Variants in C5 observed in about 807,000 individuals in gnomAD.
C5 encodes complement C5.
C5 carries 140 observed loss-of-function variants against 218.8 expected under a neutral mutation model. The observed-to-expected ratio is 0.64, with a 90% CI of 0.56 to 0.74. The LOEUF is 0.74. Ranked by LOEUF, C5 falls within the 30% of genes least tolerant of loss-of-function variation. The probability of loss-of-function intolerance (pLI) is 0.00; values close to 1 mark genes in which losing one functional copy is unlikely to be tolerated. For missense variants in C5, 1,700 were observed against 1,969.6 expected (o/e 0.86, Z 2.59); for synonymous variants, 614 against 682.3 (o/e 0.90, Z 1.56).
chr9:121,006,167 T>A, intron 19 of C5, 109 bp from the exon 20 acceptor site: 1 of 1,040,378 alleles, frequency 9.6e-7, no homozygotes, highest in Non-Finnish European at 1.5e-6. Flanking sequence ...AAAATAATAT[T>A]AGATCATGTT....
chr9:120,982,950 C>A, intron 25 of C5, 136 bp from the exon 26 acceptor site: 1 of 601,380 alleles, frequency 1.7e-6, no homozygotes, highest in Non-Finnish European at 2.9e-6. Context: ...CATCATTTTA[C>A]AAAGGAAGGG....
At chr9:120,997,388 T>C (rs2047125224) in intron 21 of C5, among the ~76,000 whole-genome samples, 159 bp downstream of exon 21, 1 of 152,160 alleles carries the variant, frequency 6.6e-6, no homozygotes, top group Non-Finnish European at 1.5e-5. Flanking sequence ...TACAGAAAAA[T>C]TGCAAGAATA....
In C5 at chr9:120,970,222, G is replaced by T. The variant is rs757581258; in HGVS notation, c.4110C>A (p.Thr1370=). 1.8e-5 allele frequency: 29 copies of T among 1,613,236 alleles called. No homozygotes were observed. Among genetic ancestry groups the T allele is most frequent in the Middle Eastern group, 1.6e-4 (1 of 6,080 alleles). The change falls in exon 32 of 41, where the codon ACC becomes ACA. Residue 1370 remains threonine, a synonymous_variant. Coordinates refer to ENST00000223642, the MANE Select transcript of C5 (RefSeq NM_001735.3). ...AATAAAAGCTGCAAACTTCCTCAGA[G>T]GTACTGGTTTTGTGAACTACAGTTG... ...HVTTVVHKTS[T]SEEVCSFYLK...
chr9:121,002,322 A>ATG (rs2047178306), intron 20 of C5, among the ~76,000 whole-genome samples: 1 of 72,330 alleles, frequency 1.4e-5, no homozygotes, highest in Non-Finnish European at 2.9e-5. Flanking sequence ...GTGTGTATAT[A>ATG]TATATATATA....
chr9:121,072,692 A>T, the C5 span, among the ~76,000 whole-genome samples: 1 of 150,944 alleles, frequency 6.6e-6, no homozygotes, highest in Non-Finnish European at 1.5e-5. Flanking sequence ...TGTAATCCCA[A>T]CTCCTCGGGA....
chr9:121,056,834 G>C, the C5 span, among the ~76,000 whole-genome samples: 1 of 152,094 alleles, frequency 6.6e-6, no homozygotes, highest in South Asian at 2.1e-4. Context: ...AATGATAACA[G>C]ACAACTTTCC....
intron 25 of C5, among the ~76,000 whole-genome samples, chr9:120,986,896 T>C (rs930286605): frequency 3.3e-5 from 5 of 152,190 alleles, no homozygotes; most frequent in Non-Finnish European, 1.5e-5. Context: ...TGTGAGCCAC[T>C]GTATCTGGCC....
At chr9:121,025,219 A>C (rs2047409333) in intron 9 of C5, among the ~76,000 whole-genome samples, 1 of 152,160 alleles carries the variant, frequency 6.6e-6, no homozygotes, top group African/African-American at 2.4e-5. Context: ...TTTGCAGTAG[A>C]AGTGGAGGTA....
intron 3 of C5, among the ~76,000 whole-genome samples, chr9:121,041,324 A>T (rs1587998452): frequency 1.3e-4 from 1 of 7,674 alleles, no homozygotes; most frequent in Non-Finnish European, 3.2e-4. Context: ...TTTTTTGCTG[A>T]GACGAAGTCT....
chr9:120,978,701 CTCTT>C (rs144147470), intron 28 of C5, among the ~76,000 whole-genome samples: 3,777 of 152,296 alleles, frequency 0.025, 57 homozygotes, highest in South Asian at 0.041. Flanking sequence ...CACTGCTACT[CTCTT>C]TCTATTTTTT....
intron 9 of C5, 23 bp downstream of exon 9, chr9:121,025,419 TACACACACACAC>T (rs1173632890): frequency 7.0e-6 from 10 of 1,437,302 alleles, no homozygotes; most frequent in African/African-American, 2.9e-5. Flanking sequence ...AAAGAAAGTA[TACACACACACAC>T]ACACACACAC....
At chr9:121,051,735 A>G (rs36223437), upstream of C5, among the ~76,000 whole-genome samples, 2,939 of 152,340 alleles carry the variant, frequency 0.019, 48 homozygotes, top group Non-Finnish European at 0.031. Context: ...TACAAATTTC[A>G]CTAAAGGTAT....
intron 9 of C5, among the ~76,000 whole-genome samples, chr9:121,024,804 T>G (rs2047405618): frequency 6.6e-6 from 1 of 152,226 alleles, no homozygotes; most frequent in Non-Finnish European, 1.5e-5. Flanking sequence ...TTTCTTCACC[T>G]GTCTTATACC....
intron 23 of C5, 82 bp from the exon 24 acceptor site, chr9:120,989,862 C>T: frequency 8.9e-7 from 1 of 1,128,022 alleles, no homozygotes; most frequent in Non-Finnish European, 1.3e-6. Context: ...GAACAACCAT[C>T]TAGAGATGGT....
chr9:120,991,284 TA>T lies in C5; in HGVS notation c.2852-5del. 6.3e-7 allele frequency: 1 copy of T among 1,575,302 alleles called. No individual in the cohort carries two copies. Among genetic ancestry groups the T allele is most frequent in the Non-Finnish European group, 8.7e-7 (1 of 1,144,706 alleles). On this transcript the variant is annotated splice_polypyrimidine_tract_variant and splice_region_variant and intron_variant, in intron 22 of 40. Coordinates refer to ENST00000223642, the MANE Select transcript of C5 (RefSeq NM_001735.3). ...TCCTTTCGTCTGCTAATGGTACCTG[TA>T]ATTTAGAAAATTTGGATTTATACAG... is the stretch of plus-strand genomic sequence containing the variant.
chr9:121,022,830 GA>G (rs1307591991), intron 10 of C5, among the ~76,000 whole-genome samples: 1 of 151,864 alleles, frequency 6.6e-6, no homozygotes, highest in African/African-American at 2.4e-5. Flanking sequence ...AGAGAAAAAT[GA>G]ATGCAGAGGA....
At chr9:121,041,939 C>A (rs2131816916) in intron 3 of C5, among the ~76,000 whole-genome samples, 1 of 152,290 alleles carries the variant, frequency 6.6e-6, no homozygotes, top group South Asian at 2.1e-4. Context: ...CTGATCATAA[C>A]AAATGCTCCT....
the C5 span, among the ~76,000 whole-genome samples, chr9:121,059,378 G>A: frequency 1.3e-5 from 2 of 152,196 alleles, no homozygotes; most frequent in African/African-American, 4.8e-5. The surrounding 1 kb of genome is among the most constrained non-coding windows in gnomAD (Gnocchi z 4.1). Flanking sequence ...ATCTCTCACA[G>A]TTTTATAACC....
At chr9:120,989,500 A>G in intron 24 of C5, 68 bp downstream of exon 24, 2 of 1,023,464 alleles carry the variant, frequency 2.0e-6, no homozygotes, top group Non-Finnish European at 2.9e-6. Context: ...CACAACTTAA[A>G]TATTAGTTTA....
Sources: gnomAD v4.1 joint callset for allele counts (sites outside exome capture counted in the v4.1 genomes callset) on GRCh38, gnomAD v4.1.1 for gene constraint, Gnocchi (gnomAD v3.1) non-coding constraint, MANE v1.5 for transcripts, NCBI Gene and HGNC (gene_info 2026-07-23, HGNC 2026-07-21) for gene names.